Variants in CLIP1 observed in about 807,000 individuals in gnomAD.
CLIP1 encodes the protein CAP-Gly domain-containing linker protein 1.
In CLIP1, 66 loss-of-function variants were observed where a neutral mutation model predicts 161.6. The ratio of observed to expected loss-of-function variants is 0.41; its 90% CI spans 0.33 to 0.50. The LOEUF (loss-of-function observed/expected upper bound fraction) is 0.50, where lower values mean the gene tolerates loss of function less well. Ranked by LOEUF, CLIP1 falls within the 20% of genes least tolerant of loss-of-function variation. The pLI is 0.27. For missense variants in CLIP1, 1,376 were observed against 1,702.0 expected (o/e 0.81, Z 3.37); for synonymous variants, 598 against 626.2 (o/e 0.96, Z 0.67).
At chr12:122,274,673 G>A (rs1396467530) in intron 24 of CLIP1, 1 of 151,772 alleles carries the variant, frequency 6.6e-6, no homozygotes, top group African/African-American at 2.4e-5. Flanking sequence ...CTGAATAGCT[G>A]GGATTACAGG....
intron 20 of CLIP1, among the ~76,000 whole-genome samples, chr12:122,305,846 T>C (rs967038769): frequency 4.6e-5 from 7 of 151,732 alleles, no homozygotes; most frequent in Non-Finnish European, 4.4e-5. Flanking sequence ...GGTGGACGGA[T>C]TGCCTAAGCT....
chr12:122,300,625 C>T (rs1593012966), intron 20 of CLIP1, among the ~76,000 whole-genome samples: 1 of 151,910 alleles, frequency 6.6e-6, no homozygotes, highest in African/African-American at 2.4e-5. Context: ...AGTGCAGTGG[C>T]GCGATCTCAG....
At chr12:122,408,635 A>G (rs1020923146) in intron 1 of CLIP1, among the ~76,000 whole-genome samples, 13 of 151,832 alleles carry the variant, frequency 8.6e-5, no homozygotes, top group African/African-American at 3.1e-4. Flanking sequence ...GGTGTGAGCT[A>G]CCGCGCCCAG....
chr12:122,342,827 A>G (rs1178032682), intron 10 of CLIP1: 17 of 106,994 alleles, frequency 1.6e-4, no homozygotes, highest in African/African-American at 5.6e-4. Context: ...CTCTGTCTCT[A>G]AAAAAAAAAA....
chr12:122,397,755 G>A (rs1309301331), intron 1 of CLIP1, among the ~76,000 whole-genome samples: 2 of 151,702 alleles, frequency 1.3e-5, no homozygotes, highest in Non-Finnish European at 2.9e-5. Flanking sequence ...TTCGAGACCA[G>A]CCTGGCCAAC....
intron 4 of CLIP1, among the ~76,000 whole-genome samples, chr12:122,362,596 G>A (rs1039070336): frequency 7.1e-5 from 8 of 111,890 alleles, no homozygotes; most frequent in Non-Finnish European, 9.9e-5. Flanking sequence ...AGCCAAGATT[G>A]TGCCACTGCA....
intron 1 of CLIP1, among the ~76,000 whole-genome samples, chr12:122,383,346 G>A (rs1955090797): frequency 6.6e-6 from 1 of 152,148 alleles, no homozygotes; most frequent in African/African-American, 2.4e-5. Context: ...TTTTGAAAAC[G>A]GCCACAAGAC....
In CLIP1 at chr12:122,340,678, T is replaced by C. The variant is rs140288177; in HGVS notation, c.2451+75A>G. ...TCAGCAATTTGGAAGATGAATGATC[T>C]CAACTCAAAAGTAACATAATGCAAA... is the stretch of plus-strand genomic sequence containing the variant. On this transcript the variant is annotated intron_variant, in intron 11 of 25. Transcript: ENST00000620786. 1,386 of 1,243,556 alleles carry C rather than the reference T, an allele frequency of 1.1e-3. 14 individuals carry two copies. In the African/African-American group the frequency reaches 0.019, roughly 17 times the overall value. 77.0% of individuals were successfully genotyped at this position (1,243,556 alleles called of 1,614,324 possible).
intron 1 of CLIP1, among the ~76,000 whole-genome samples, chr12:122,407,790 C>A: frequency 7.4e-6 from 1 of 135,288 alleles, no homozygotes; most frequent in South Asian, 2.4e-4. Flanking sequence ...ATTTCCCTTT[C>A]CATTCTTCAC....
At chr12:122,290,867 A>C (rs74503590) in intron 20 of CLIP1, among the ~76,000 whole-genome samples, 9,676 of 141,952 alleles carry the variant, frequency 0.068, 997 homozygotes, top group African/African-American at 0.23. Flanking sequence ...TCTTTTTTTT[A>C]TTTTTTTTTA....
intron 19 of CLIP1, among the ~76,000 whole-genome samples, chr12:122,315,488 A>G (rs1048186506): frequency 6.6e-6 from 1 of 152,176 alleles, no homozygotes; most frequent in Non-Finnish European, 1.5e-5. Flanking sequence ...TACACTAGCC[A>G]AACTTGAAAG....
rs57202144 is a variant in CLIP1, at chr12:122,341,762, C to CTTTT, written c.1507-69_1507-66dup. ...AACAAGTCATTGACTATTTTCTTTT[C>CTTTT]TTTTTTTTTTTTTTTTTTTTTTTTT... is the stretch of plus-strand genomic sequence containing the variant. On this transcript the variant is annotated intron_variant, in intron 10 of 25. Coordinates refer to ENST00000620786, the MANE Select transcript of CLIP1 (RefSeq NM_001247997.2). 1.8e-4 allele frequency: 18 copies of CTTTT among 98,636 alleles called. 5 individuals are homozygous for CTTTT. Among genetic ancestry groups the CTTTT allele is most frequent in the African/African-American group, 3.9e-4 (8 of 20,552 alleles). The allele number at this position is 98,636 out of a possible 1,614,324, so 6.1% of individuals were successfully genotyped here. A position where few individuals can be genotyped will look rare whatever the true frequency, so the allele number is the denominator to read the frequency against.
intron 1 of CLIP1, among the ~76,000 whole-genome samples, chr12:122,409,198 T>C (rs112950736): frequency 0.03 from 4,552 of 152,048 alleles, 167 homozygotes; most frequent in African/African-American, 0.085. Flanking sequence ...TGATCTCAGT[T>C]CACTGCAACC....
At chr12:122,369,816 C>T (rs1954347065) in intron 3 of CLIP1, among the ~76,000 whole-genome samples, 1 of 151,022 alleles carries the variant, frequency 6.6e-6, no homozygotes, top group Admixed American at 6.6e-5. Context: ...ACAAAACATC[C>T]CAAGCAGAAG....
intron 17 of CLIP1, among the ~76,000 whole-genome samples, chr12:122,320,596 C>T (rs997648807): frequency 6.6e-6 from 1 of 151,580 alleles, no homozygotes; most frequent in East Asian, 2.0e-4. Flanking sequence ...TGGCAGCACG[C>T]ACCTGTAGTC....
At chr12:122,389,153 T>C (rs1955468203) in intron 1 of CLIP1, among the ~76,000 whole-genome samples, 1 of 152,212 alleles carries the variant, frequency 6.6e-6, no homozygotes, top group South Asian at 2.1e-4. Flanking sequence ...AATGAAAATC[T>C]GTTCATCCTT....
Position 122,341,223 on chromosome 12 carries a change from T to C in CLIP1, c.1981A>G (p.Thr661Ala). The change falls in exon 11 of 26, where the codon ACA becomes GCA. Residue 661 changes from threonine (T) to alanine (A), a missense_variant. This residue lies in a region of CLIP1 where 948 missense variants were observed against 1,134.8 expected (regional missense o/e 0.84). Coordinates refer to ENST00000620786, the MANE Select transcript of CLIP1 (RefSeq NM_001247997.2). ...TETAEFAELK[T>A]QIEKMRLDYQ... ...TCTAGTCTCATTTTCTCTATTTGTGTTTTTAGTTCAGCAAATTCTGCCGTC... is the reference window on the plus strand; with the variant it reads ...TCTAGTCTCATTTTCTCTATTTGTGCTTTTAGTTCAGCAAATTCTGCCGTC... 6.2e-7 allele frequency: 1 copy of C among 1,614,150 alleles called. No individual in the cohort carries two copies. Among genetic ancestry groups the C allele is most frequent in the Non-Finnish European group, 8.5e-7 (1 of 1,180,020 alleles).
At chr12:122,298,293 G>T (rs1205989795) in intron 20 of CLIP1, among the ~76,000 whole-genome samples, 1 of 152,168 alleles carries the variant, frequency 6.6e-6, no homozygotes, top group African/African-American at 2.4e-5. Context: ...ATATGAATAT[G>T]TACATGAATT....
chr12:122,350,572 G>A (rs1057126827), intron 9 of CLIP1, among the ~76,000 whole-genome samples: 8 of 152,036 alleles, frequency 5.3e-5, no homozygotes, highest in Non-Finnish European at 1.0e-4. Flanking sequence ...AAGTTTAAAT[G>A]TCTCATCAGC....
Sources: gnomAD v4.1 joint callset for allele counts (sites outside exome capture counted in the v4.1 genomes callset) on GRCh38, gnomAD v4.1.1 for gene constraint, gnomAD v4.1.1 regional missense constraint, MANE v1.5 for transcripts, NCBI Gene and HGNC (gene_info 2026-07-23, HGNC 2026-07-21) for gene names.